Variants in POFUT3 observed in about 807,000 individuals in gnomAD.
The protein encoded by POFUT3 is protein O-fucosyltransferase 3, also known as GDP-fucose protein O-fucosyltransferase 3.
the POFUT3 span, among the ~76,000 whole-genome samples, chr8:33,466,534 G>A: frequency 6.6e-6 from 1 of 151,992 alleles, no homozygotes; most frequent in Non-Finnish European, 1.5e-5. Flanking sequence ...GAAGGGCAGG[G>A]CAGGGCAGGG....
chr8:33,353,683 G>A, the POFUT3 span, among the ~76,000 whole-genome samples: 1 of 152,136 alleles, frequency 6.6e-6, no homozygotes, highest in Non-Finnish European at 1.5e-5. Flanking sequence ...TTGGCGGTGA[G>A]ATCTGGCACC....
At chr8:33,453,147 G>A in the POFUT3 span, 3 of 1,498,154 alleles carry the variant, frequency 2.0e-6, no homozygotes. Context: ...ACTTTTCAGA[G>A]GTAAACTGTA....
the POFUT3 span, among the ~76,000 whole-genome samples, chr8:33,309,197 T>TAC: frequency 6.7e-4 from 69 of 103,758 alleles, 3 homozygotes; most frequent in African/African-American, 2.4e-3. Flanking sequence ...TATATATATA[T>TAC]ATACACACAC....
At chr8:33,414,921 C>A in the POFUT3 span, among the ~76,000 whole-genome samples, 1 of 150,638 alleles carries the variant, frequency 6.6e-6, no homozygotes. Context: ...AATGCTAGTT[C>A]ATCTCTTCCC....
the POFUT3 span, among the ~76,000 whole-genome samples, chr8:33,331,800 C>A: frequency 6.6e-6 from 1 of 151,958 alleles, no homozygotes; most frequent in African/African-American, 2.4e-5. Flanking sequence ...CTCAGCCTCC[C>A]GAGTAGCTGG....
At chr8:33,467,979 C>G in the POFUT3 span, among the ~76,000 whole-genome samples, 1 of 152,124 alleles carries the variant, frequency 6.6e-6, no homozygotes, top group East Asian at 1.9e-4. Flanking sequence ...GTGGCTCATG[C>G]CTGTAATCCC....
the POFUT3 span, chr8:33,389,662 G>T: frequency 8.1e-6 from 13 of 1,614,026 alleles, no homozygotes; most frequent in Admixed American, 2.0e-4. Context: ...TGCTGAACGT[G>T]GCAGTGTAGT....
the POFUT3 span, chr8:33,453,175 G>T: frequency 6.3e-7 from 1 of 1,590,664 alleles, no homozygotes; most frequent in South Asian, 1.1e-5. Context: ...TTTGGAGGAA[G>T]ACCACAGCAA....
chr8:33,319,381 A>ATAATAT, the POFUT3 span, among the ~76,000 whole-genome samples: 1 of 192 alleles, frequency 5.2e-3, no homozygotes, highest in African/African-American at 9.6e-3. Context: ...TATATATTAT[A>ATAATAT]GAAATATATT....
the POFUT3 span, among the ~76,000 whole-genome samples, chr8:33,336,790 C>T: frequency 6.6e-6 from 1 of 151,946 alleles, no homozygotes; most frequent in Admixed American, 6.6e-5. Context: ...TTGTCCTGCC[C>T]AAGAGTAGAC....
At chr8:33,374,185 T>C in the POFUT3 span, among the ~76,000 whole-genome samples, 4 of 152,136 alleles carry the variant, frequency 2.6e-5, no homozygotes, top group Non-Finnish European at 5.9e-5. Flanking sequence ...GCTCACTCCT[T>C]ATAAACATCT....
At chr8:33,396,558 T>G in the POFUT3 span, among the ~76,000 whole-genome samples, 1 of 152,170 alleles carries the variant, frequency 6.6e-6, no homozygotes, top group Non-Finnish European at 1.5e-5. Flanking sequence ...CTATTTTCCC[T>G]TCTCTTCATC....
At chr8:33,318,745 ATAATATATAAATATATTG>A in the POFUT3 span, among the ~76,000 whole-genome samples, 18 of 70,444 alleles carry the variant, frequency 2.6e-4, 1 homozygote, top group African/African-American at 1.1e-3. Context: ...ATATATTTAT[ATAATATATAAATATATTG>A]TATATATATT....
At chr8:33,313,259 GCA>G in the POFUT3 span, among the ~76,000 whole-genome samples, 2 of 152,154 alleles carry the variant, frequency 1.3e-5, no homozygotes, top group Non-Finnish European at 2.9e-5. Flanking sequence ...GGTTATTACA[GCA>G]AAATACAACT....
chr8:33,318,234 T>C, the POFUT3 span, among the ~76,000 whole-genome samples: 1 of 151,856 alleles, frequency 6.6e-6, no homozygotes, highest in Middle Eastern at 3.4e-3. Context: ...GTCTGAAGTT[T>C]AAACTGCTCC....
At chr8:33,337,500 T>C in the POFUT3 span, among the ~76,000 whole-genome samples, 2 of 152,092 alleles carry the variant, frequency 1.3e-5, no homozygotes, top group East Asian at 1.9e-4. Context: ...GGCAGGCAAC[T>C]AGGAAAGGCC....
the POFUT3 span, among the ~76,000 whole-genome samples, chr8:33,315,872 A>T: frequency 5.3e-5 from 8 of 152,152 alleles, no homozygotes; most frequent in Admixed American, 3.9e-4. Flanking sequence ...TTTAAATCCA[A>T]GCACATCTCC....
the POFUT3 span, among the ~76,000 whole-genome samples, chr8:33,319,525 T>TAAATATATATATTTA: frequency 7.2e-4 from 2 of 2,790 alleles, 1 homozygote; most frequent in Non-Finnish European, 9.2e-4. Context: ...ATATAATATA[T>TAAATATATATATTTA]ATATATATTT....
At chr8:33,434,238 G>A in the POFUT3 span, among the ~76,000 whole-genome samples, 1 of 152,200 alleles carries the variant, frequency 6.6e-6, no homozygotes, top group Non-Finnish European at 1.5e-5. Flanking sequence ...TCCAGCCTGG[G>A]CAGCAGAGCA....
Sources: gnomAD v4.1 joint callset for allele counts (sites outside exome capture counted in the v4.1 genomes callset) on GRCh38, gnomAD v4.1.1 for gene constraint, MANE v1.5 for transcripts, NCBI Gene and HGNC (gene_info 2026-07-23, HGNC 2026-07-21) for gene names.